TAFA4: variants seen among roughly 807,000 people sequenced by gnomAD.
TAFA4 encodes the protein chemokine-like protein TAFA-4.
A neutral mutation model predicts 21.1 loss-of-function variants in TAFA4; 20 were observed. The ratio of observed to expected loss-of-function variants is 0.95; its 90% confidence interval spans 0.67 to 1.38. TAFA4 has a LOEUF of 1.38. TAFA4 is among the 40% of genes most tolerant of loss of function. The pLI, the probability that TAFA4 is intolerant of heterozygous loss-of-function variation, is 0.00. For synonymous variants in TAFA4, 71 were observed against 67.4 expected (o/e 1.05, Z -0.26); for missense variants, 211 against 180.9 (o/e 1.17, Z -0.95).
intron 3 of TAFA4, among the ~76,000 whole-genome samples, chr3:68,785,712 C>T (rs1703244989): frequency 6.6e-6 from 1 of 152,246 alleles, no homozygotes; most frequent in African/African-American, 2.4e-5. Context: ...AAAGGGACTC[C>T]CACAGTGCAG....
chr3:68,908,904 A>G (rs947767134), intron 1 of TAFA4, among the ~76,000 whole-genome samples: 3 of 152,184 alleles, frequency 2.0e-5, no homozygotes, highest in South Asian at 2.1e-4. Flanking sequence ...CATGGCCCAG[A>G]TGGTCAAAAA....
chr3:68,848,556 A>G lies in TAFA4; in HGVS notation c.130+32174T>C, dbSNP rs147863600. ...ACAGCCTTTCCAGGGTCCATGGTTG[A>G]TCAACTCACCTTGGTGGCAATGATA... On this transcript the variant is annotated intron_variant, in intron 3 of 5. Coordinates refer to ENST00000295569, the MANE Select transcript of TAFA4 (RefSeq NM_182522.5). 2.8e-3 allele frequency among the ~76,000 whole-genome samples: 422 copies of G among 152,300 alleles called. 3 individuals are homozygous for G. Among genetic ancestry groups the G allele is most frequent in the African/African-American group, 9.9e-3 (412 of 41,564 alleles).
chr3:68,839,299 G>C (rs1052629084), intron 3 of TAFA4, among the ~76,000 whole-genome samples: 5 of 152,156 alleles, frequency 3.3e-5, no homozygotes, highest in Admixed American at 2.6e-4. Context: ...GCAAAGACCT[G>C]AATGAAGTGA....
At chr3:68,887,308 C>CAGGAATT (rs555218068) in intron 1 of TAFA4, among the ~76,000 whole-genome samples, 23 of 152,220 alleles carry the variant, frequency 1.5e-4, no homozygotes, top group Non-Finnish European at 2.5e-4. Flanking sequence ...CATGCTACAG[C>CAGGAATT]AGGAATTAGG....
At chr3:68,812,947 T>A (rs1037269307) in intron 3 of TAFA4, among the ~76,000 whole-genome samples, 2 of 152,108 alleles carry the variant, frequency 1.3e-5, no homozygotes, top group Non-Finnish European at 2.9e-5. Context: ...TCAGCAAATG[T>A]AAAAGAACAG....
intron 1 of TAFA4, among the ~76,000 whole-genome samples, chr3:68,924,765 C>G (rs891466095): frequency 3.3e-5 from 5 of 152,026 alleles, no homozygotes; most frequent in Non-Finnish European, 2.9e-5. Flanking sequence ...CAAACATTCT[C>G]CAACGCAAAA....
At chr3:68,915,285 T>A (rs1230457380) in intron 1 of TAFA4, among the ~76,000 whole-genome samples, 2 of 152,152 alleles carry the variant, frequency 1.3e-5, no homozygotes, top group African/African-American at 4.8e-5. Context: ...TATTACAAGA[T>A]CTTTGCCAAA....
At chr3:68,772,278 G>A (rs1165758775) in intron 3 of TAFA4, among the ~76,000 whole-genome samples, 1 of 152,152 alleles carries the variant, frequency 6.6e-6, no homozygotes, top group Non-Finnish European at 1.5e-5. Flanking sequence ...AATTTCAGGT[G>A]TCAACTGGAT....
At chr3:68,806,319 A>C (rs1404189468) in intron 3 of TAFA4, among the ~76,000 whole-genome samples, 1 of 152,220 alleles carries the variant, frequency 6.6e-6, no homozygotes, top group East Asian at 1.9e-4. Flanking sequence ...ACACATTCTA[A>C]TTGCCTGCTT....
At chr3:68,867,167 G>A (rs191387855) in intron 3 of TAFA4, among the ~76,000 whole-genome samples, 1 of 152,068 alleles carries the variant, frequency 6.6e-6, no homozygotes, top group Non-Finnish European at 1.5e-5. Flanking sequence ...AAAAAGAGAG[G>A]ATGCTAAAAG....
intron 1 of TAFA4, among the ~76,000 whole-genome samples, chr3:68,927,697 G>C (rs1179972610): frequency 6.6e-6 from 1 of 151,874 alleles, no homozygotes; most frequent in Admixed American, 6.6e-5. Flanking sequence ...CCAGGAGTTC[G>C]ACACCAGCCT....
chr3:68,916,662 G>T (rs1001537735), intron 1 of TAFA4, among the ~76,000 whole-genome samples: 6 of 152,170 alleles, frequency 3.9e-5, no homozygotes, highest in African/African-American at 1.4e-4. Flanking sequence ...ATTAAGCCTA[G>T]TGGTAGAACG....
chr3:68,783,162 A>G (rs559317933), intron 3 of TAFA4, among the ~76,000 whole-genome samples: 1 of 152,350 alleles, frequency 6.6e-6, no homozygotes, highest in East Asian at 1.9e-4. Context: ...CAGAAAACCT[A>G]TAGCAAACAT....
chr3:68,768,688 C>T lies in TAFA4; in HGVS notation c.131-15670G>A, dbSNP rs118077620. Among the ~76,000 whole-genome samples, 78 of 152,248 alleles carry T rather than the reference C, an allele frequency of 5.1e-4. No individual in the cohort carries two copies. The East Asian group carries it at 0.015, about 29-fold the overall frequency. ...TGAAGAATCAAGATATGAAATCAAC[C>T]TAAGTGTCCATCAGTGGATGAATGG... On this transcript the variant is annotated intron_variant, in intron 3 of 5. Transcript: ENST00000295569.
intron 3 of TAFA4, among the ~76,000 whole-genome samples, chr3:68,788,355 G>A (rs1035325643): frequency 6.6e-6 from 1 of 152,180 alleles, no homozygotes; most frequent in Admixed American, 6.5e-5. Context: ...ATATCATCGG[G>A]CTGGCTCCTT....
intron 3 of TAFA4, among the ~76,000 whole-genome samples, chr3:68,776,198 C>A (rs752498385): frequency 2.0e-5 from 3 of 151,838 alleles, no homozygotes; most frequent in Non-Finnish European, 2.9e-5. Flanking sequence ...TCCAGGGTAA[C>A]AAACTAAATA....
chr3:68,809,248 G>A (rs763925791), intron 3 of TAFA4, among the ~76,000 whole-genome samples: 1 of 152,138 alleles, frequency 6.6e-6, no homozygotes, highest in Non-Finnish European at 1.5e-5. Context: ...ACATTTTAAA[G>A]TACAGATCAA....
At chr3:68,762,312 G>C (rs1414865539) in intron 3 of TAFA4, among the ~76,000 whole-genome samples, 1 of 152,128 alleles carries the variant, frequency 6.6e-6, no homozygotes, top group Non-Finnish European at 1.5e-5. Flanking sequence ...GACTATTTGA[G>C]AAATGGTGTT....
intron 3 of TAFA4, among the ~76,000 whole-genome samples, chr3:68,806,416 G>C (rs1330779899): frequency 6.6e-6 from 1 of 152,110 alleles, no homozygotes; most frequent in Non-Finnish European, 1.5e-5. Flanking sequence ...AAGCCATTTA[G>C]TTTATCATTC....
Sources: gnomAD v4.1 joint callset for allele counts (sites outside exome capture counted in the v4.1 genomes callset) on GRCh38, gnomAD v4.1.1 for gene constraint, MANE v1.5 for transcripts, NCBI Gene and HGNC (gene_info 2026-07-23, HGNC 2026-07-21) for gene names.